Variants in KCNH5 observed in about 807,000 individuals in gnomAD.
KCNH5 encodes potassium voltage-gated channel subfamily H member 5, also known as voltage-gated delayed rectifier potassium channel KCNH5.
Under a neutral mutation model 96.1 loss-of-function variants are expected in KCNH5, and 46 were observed. The observed-to-expected ratio is 0.48, with a 90% CI of 0.38 to 0.61. KCNH5 has a LOEUF of 0.61. Ranked by LOEUF, KCNH5 falls within the 20% of genes least tolerant of loss-of-function variation. The pLI is 0.00. For synonymous variants in KCNH5, 439 were observed against 449.8 expected (o/e 0.98, Z 0.30); for missense variants, 907 against 1,225.8 (o/e 0.74, Z 3.88).
At chr14:62,728,583 G>A (rs978082342) in intron 10 of KCNH5, among the ~76,000 whole-genome samples, 76 of 152,144 alleles carry the variant, frequency 5.0e-4, no homozygotes, top group African/African-American at 1.5e-3. Context: ...ACTAAGCCAC[G>A]TGAAATGCTT....
chr14:62,838,705 GT>G (rs1378174153), intron 8 of KCNH5, among the ~76,000 whole-genome samples: 1 of 152,148 alleles, frequency 6.6e-6, no homozygotes, highest in East Asian at 1.9e-4. Context: ...TGCCTTTACA[GT>G]GCAGACATAG....
intron 7 of KCNH5, among the ~76,000 whole-genome samples, chr14:62,924,449 T>A (rs1385121517): frequency 6.6e-6 from 1 of 151,860 alleles, no homozygotes; most frequent in Non-Finnish European, 1.5e-5. Context: ...CACCATATAA[T>A]CCAGCAATCC....
chr14:63,020,655 C>T (rs1037836352), intron 1 of KCNH5, among the ~76,000 whole-genome samples: 1 of 151,970 alleles, frequency 6.6e-6, no homozygotes, highest in African/African-American at 2.4e-5. Flanking sequence ...GAGGAAGTGA[C>T]CGAAAAGATA....
rs370459231 is a variant in KCNH5, at chr14:62,931,349, G to A, written c.1369+18784C>T. 4.1e-4 allele frequency among the ~76,000 whole-genome samples: 62 copies of A among 152,188 alleles called. 3 individuals are homozygous for A. In the South Asian group the frequency reaches 8.3e-3, roughly 20 times the overall value. The stretch of plus-strand genomic sequence containing the variant: ...TCCGGATGATAAACACATGACAGAG[G>A]AGCATGAACCAGCAGAACTAACAGA... On this transcript the variant is annotated intron_variant, in intron 7 of 10. Coordinates refer to ENST00000322893, the MANE Select transcript of KCNH5 (RefSeq NM_139318.5).
At chr14:62,991,616 C>T (rs983151953) in intron 4 of KCNH5, among the ~76,000 whole-genome samples, 1 of 151,932 alleles carries the variant, frequency 6.6e-6, no homozygotes, top group African/African-American at 2.4e-5. Flanking sequence ...TGTTTTGGTA[C>T]ACATTAAAAT....
intron 8 of KCNH5, among the ~76,000 whole-genome samples, chr14:62,825,700 G>A (rs1887208707): frequency 6.6e-6 from 1 of 151,996 alleles, no homozygotes; most frequent in Non-Finnish European, 1.5e-5. Flanking sequence ...TTTCCAGATG[G>A]AAAGGTTTCT....
intron 1 of KCNH5, 141 bp downstream of exon 1, chr14:63,044,973 C>T: frequency 2.9e-6 from 2 of 693,738 alleles, no homozygotes; most frequent in East Asian, 2.6e-5. Context: ...ACCCCAAATC[C>T]AGCCCAACTG....
intron 8 of KCNH5, among the ~76,000 whole-genome samples, chr14:62,804,763 G>A (rs1886731586): frequency 6.6e-6 from 1 of 152,154 alleles, no homozygotes; most frequent in Admixed American, 6.6e-5. Flanking sequence ...TAGGCTTATT[G>A]CAGAAATTAA....
At chr14:62,873,624 C>G (rs1206877096) in intron 7 of KCNH5, among the ~76,000 whole-genome samples, 1 of 152,086 alleles carries the variant, frequency 6.6e-6, no homozygotes, top group Non-Finnish European at 1.5e-5. Flanking sequence ...TTTAAGAAAT[C>G]AAACAATTAT....
At chr14:62,963,765 C>G (rs1890256023) in intron 6 of KCNH5, among the ~76,000 whole-genome samples, 1 of 151,946 alleles carries the variant, frequency 6.6e-6, no homozygotes, top group South Asian at 2.1e-4. Flanking sequence ...ATCTGAATAC[C>G]CCAAGGTCCA....
rs528886216 is a variant in KCNH5 at position 63,000,125 on chromosome 14, A to T, written c.433+1206T>A. On this transcript the variant is annotated intron_variant, in intron 4 of 10. Transcript: ENST00000322893. ...TGTTAACCAGAAACTGAGCAGATAC[A>T]ATATTATATATGTGAGTTCCTATGC... 1.6e-4 allele frequency among the ~76,000 whole-genome samples: 24 copies of T among 152,286 alleles called. No homozygotes were observed. In the South Asian group the frequency reaches 5.0e-3, roughly 32 times the overall value.
At chr14:62,740,742 A>T (rs891780366) in intron 10 of KCNH5, among the ~76,000 whole-genome samples, 1 of 152,182 alleles carries the variant, frequency 6.6e-6, no homozygotes, top group African/African-American at 2.4e-5. Context: ...TGCATTGCAC[A>T]GCTGATTATT....
chr14:63,031,379 T>TA (rs1291833136), intron 1 of KCNH5, among the ~76,000 whole-genome samples: 3 of 152,054 alleles, frequency 2.0e-5, no homozygotes, highest in Non-Finnish European at 4.4e-5. Context: ...TCCTGGCTGA[T>TA]AAAAAATTCT....
chr14:62,807,256 A>T (rs370372954), intron 8 of KCNH5, among the ~76,000 whole-genome samples: 1 of 152,282 alleles, frequency 6.6e-6, no homozygotes, highest in South Asian at 2.1e-4. Flanking sequence ...ACAGTAACCC[A>T]AATAATAACT....
rs1403487084 is a variant in KCNH5 at position 62,980,983 on chromosome 14, G to A, written c.831C>T (p.Val277=). 1 of 1,613,968 alleles carries A rather than the reference G, an allele frequency of 6.2e-7. No individual in the cohort carries two copies. Among genetic ancestry groups the A allele is most frequent in the African/African-American group, 1.3e-5 (1 of 74,902 alleles). ...HTTFVGPGGE[V]ISDPKLIRMN... is the part of the protein sequence containing the mutation. ...TCCTTATGAGCTTAGGGTCAGAAAT[G>A]ACCTCTCCACCGGGCCCCACGAAAG... The change falls in exon 6 of 11, where the codon GTC becomes GTT. Residue 277 remains valine, a synonymous_variant. Coordinates refer to ENST00000322893, the MANE Select transcript of KCNH5 (RefSeq NM_139318.5).
chr14:62,891,534 A>G (rs1888711464), intron 7 of KCNH5, among the ~76,000 whole-genome samples: 3 of 152,056 alleles, frequency 2.0e-5, no homozygotes, highest in Non-Finnish European at 2.9e-5. Flanking sequence ...ACAAACCTTC[A>G]TATGGACCCC....
At chr14:62,803,082 C>T (rs1886698055) in intron 8 of KCNH5, among the ~76,000 whole-genome samples, 1 of 152,102 alleles carries the variant, frequency 6.6e-6, no homozygotes, top group South Asian at 2.1e-4. Flanking sequence ...TCCCAGGAGA[C>T]AGAGATTGCA....
chr14:62,822,704 A>C (rs892946537), intron 8 of KCNH5, among the ~76,000 whole-genome samples: 1 of 152,032 alleles, frequency 6.6e-6, no homozygotes, highest in African/African-American at 2.4e-5. Context: ...AGAGAAGAAA[A>C]TATTTAGGAC....
At chr14:62,748,526 G>A (rs1350421777) in intron 10 of KCNH5, among the ~76,000 whole-genome samples, 1 of 152,038 alleles carries the variant, frequency 6.6e-6, no homozygotes, top group African/African-American at 2.4e-5. Context: ...ATTCAAGATG[G>A]AGTCGCTCTG....
Sources: gnomAD v4.1 joint callset for allele counts (sites outside exome capture counted in the v4.1 genomes callset) on GRCh38, gnomAD v4.1.1 for gene constraint, MANE v1.5 for transcripts, NCBI Gene and HGNC (gene_info 2026-07-23, HGNC 2026-07-21) for gene names.